SPRED2: variants seen among roughly 807,000 people sequenced by gnomAD.
The protein encoded by SPRED2 is sprouty related EVH1 domain containing 2.
Under a neutral mutation model 43.0 loss-of-function variants are expected in SPRED2, and 47 were observed. That is an observed-to-expected ratio of 1.09 (90% CI 0.87 to 1.40). The LOEUF (loss-of-function observed/expected upper bound fraction) is 1.40, where lower values mean the gene tolerates loss of function less well. SPRED2 is among the 40% of genes most tolerant of loss of function. SPRED2 has a pLI of 0.00. For missense variants in SPRED2, 561 were observed against 586.4 expected (o/e 0.96, Z 0.45); for synonymous variants, 225 against 225.7 (o/e 1.00, Z 0.03).
downstream of SPRED2, among the ~76,000 whole-genome samples, chr2:65,307,330 C>G (rs761509013): frequency 1.3e-5 from 2 of 151,950 alleles, no homozygotes; most frequent in South Asian, 2.1e-4. Context: ...TGAGTAGTTG[C>G]GATTACAGGC....
Position 65,366,541 on chromosome 2 carries a change from A to G in SPRED2, c.27-21645T>C, listed in dbSNP as rs766071664. 3.3e-6 allele frequency: 5 copies of G among 1,534,656 alleles called. No homozygotes were observed. In the South Asian group the frequency reaches 3.6e-5, roughly 11 times the overall value. ...AAAGCAGGCACCAGAAAGGTTAAGA[A>G]TAAGAGAACAATGAAAAAATAAAGT... On this transcript the variant is annotated intron_variant, in intron 1 of 5. Transcript: ENST00000356388.
intron 1 of SPRED2, among the ~76,000 whole-genome samples, chr2:65,368,800 T>A (rs1300976269): frequency 3.3e-5 from 5 of 152,042 alleles, no homozygotes; most frequent in African/African-American, 7.2e-5. Context: ...AAAAAGAGAT[T>A]ATTGGGTGCA....
At chr2:65,395,138 C>G (rs764461254) in intron 1 of SPRED2, among the ~76,000 whole-genome samples, 2 of 152,182 alleles carry the variant, frequency 1.3e-5, no homozygotes, top group Non-Finnish European at 2.9e-5. Context: ...CCCTGTCATT[C>G]CACTGGGCCT....
rs1227144385 is a variant in SPRED2, at chr2:65,322,276, A to C, written c.439-5393T>G. Among the ~76,000 whole-genome samples the C allele has an allele frequency of 7.6e-3, 537 of 70,692 alleles. 1 individual carries two copies. The highest frequency in any genetic ancestry group is 0.011 in the East Asian group (25 of 2,178). 46.4% of individuals were successfully genotyped at this position (70,692 alleles called of 152,430 possible). On this transcript the variant is annotated intron_variant, in intron 4 of 5. Transcript: ENST00000356388. The stretch of plus-strand genomic sequence containing the variant: ...TCTCTCTCTCTCTCTCTCTCTATAT[A>C]TATATATATATATATATATTTTTTT...
At chr2:65,327,682 C>G (rs947160527) in intron 4 of SPRED2, among the ~76,000 whole-genome samples, 5 of 150,364 alleles carry the variant, frequency 3.3e-5, no homozygotes, top group African/African-American at 1.2e-4. Context: ...GCTGCCCTCC[C>G]AAAACATCTT....
chr2:65,388,952 G>T (rs1003462673), intron 1 of SPRED2, among the ~76,000 whole-genome samples: 2 of 152,208 alleles, frequency 1.3e-5, no homozygotes, highest in African/African-American at 4.8e-5. Flanking sequence ...CACAGAGAAA[G>T]CTGGCGAGTC....
intron 1 of SPRED2, among the ~76,000 whole-genome samples, chr2:65,371,068 A>G (rs772671264): frequency 4.6e-5 from 7 of 152,244 alleles, no homozygotes; most frequent in Non-Finnish European, 1.0e-4. Flanking sequence ...AATGAGGGCT[A>G]CAGCCACCCT....
intron 1 of SPRED2, among the ~76,000 whole-genome samples, chr2:65,381,416 A>G (rs1487695587): frequency 1.3e-5 from 2 of 152,138 alleles, no homozygotes; most frequent in African/African-American, 4.8e-5. Flanking sequence ...CCTGCCCACC[A>G]ATTTCTAGCT....
At chr2:65,337,064 T>C (rs537763165) in intron 2 of SPRED2, among the ~76,000 whole-genome samples, 3 of 152,052 alleles carry the variant, frequency 2.0e-5, no homozygotes, top group Non-Finnish European at 4.4e-5. Context: ...GCCGAGATCG[T>C]GCCACTGCAG....
intron 4 of SPRED2, among the ~76,000 whole-genome samples, chr2:65,327,490 T>C (rs1324601473): frequency 6.6e-6 from 1 of 152,154 alleles, no homozygotes; most frequent in Non-Finnish European, 1.5e-5. Flanking sequence ...AGGTATTACA[T>C]GTCGATAAAA....
At chr2:65,407,897 A>G (rs1676063401) in intron 1 of SPRED2, among the ~76,000 whole-genome samples, 2 of 152,224 alleles carry the variant, frequency 1.3e-5, no homozygotes, top group Admixed American at 1.3e-4. Flanking sequence ...AACAACAACA[A>G]AATATCAAAA....
Position 65,349,856 on chromosome 2 carries a change from T to C in SPRED2, c.27-4960A>G, listed in dbSNP as rs905036053. Among the ~76,000 whole-genome samples the C allele has an allele frequency of 3.3e-5, 5 of 152,290 alleles. No individual in the cohort carries two copies. The East Asian group carries it at 5.8e-4, about 18-fold the overall frequency. ...GGGTATAGACTTCTCTGTGATGGGA[T>C]TGGGGGAAGGGGAGGCTCAGGGGCA... On this transcript the variant is annotated intron_variant, in intron 1 of 5. Transcript: ENST00000356388.
chr2:65,350,822 G>A (rs1020112395), intron 1 of SPRED2, among the ~76,000 whole-genome samples: 4 of 152,228 alleles, frequency 2.6e-5, no homozygotes, highest in African/African-American at 7.2e-5. Flanking sequence ...ATAAACCAAG[G>A]AAGTGTAGGA....
chr2:65,358,814 C>T (rs1674727090), intron 1 of SPRED2, among the ~76,000 whole-genome samples: 1 of 152,240 alleles, frequency 6.6e-6, no homozygotes, highest in Non-Finnish European at 1.5e-5. Flanking sequence ...GTTTCAACTG[C>T]TTACTGACAG....
At chr2:65,310,506 T>C (rs958694531), downstream of SPRED2, among the ~76,000 whole-genome samples, 57 of 140,440 alleles carry the variant, frequency 4.1e-4, 1 homozygote, top group African/African-American at 9.8e-4. Context: ...CACACACACA[T>C]ATCCCTGAGG....
rs757236641 is a variant in SPRED2, at chr2:65,313,486, G to A, written c.*15C>T. The A allele has an allele frequency of 1.3e-6, 2 of 1,584,808 alleles. No homozygotes were observed. The highest frequency in any genetic ancestry group is 1.7e-5 in the Admixed American group (1 of 57,486). ...CCTGTGGCTGCGGATGGAGGGAGAAGGGAGGGAAACTGAGTCACGCGGCCG... is the reference window on the plus strand; with the variant it reads ...CCTGTGGCTGCGGATGGAGGGAGAAAGGAGGGAAACTGAGTCACGCGGCCG... On this transcript the variant is annotated 3_prime_UTR_variant, in exon 6 of 6. Coordinates refer to ENST00000356388, the MANE Select transcript of SPRED2 (RefSeq NM_181784.3).
chr2:65,356,703 G>T (rs973477875), intron 1 of SPRED2, among the ~76,000 whole-genome samples: 8 of 151,940 alleles, frequency 5.3e-5, no homozygotes, highest in African/African-American at 1.7e-4. Context: ...AATAAGACCT[G>T]TTCTCTGGCC....
intron 1 of SPRED2, among the ~76,000 whole-genome samples, chr2:65,415,052 A>G (rs1324247187): frequency 1.3e-5 from 2 of 152,112 alleles, no homozygotes; most frequent in Non-Finnish European, 2.9e-5. Flanking sequence ...TTCCCAAACT[A>G]TTGGGATTAC....
chr2:65,363,011 T>TTG (rs1553421961), intron 1 of SPRED2, among the ~76,000 whole-genome samples: 1 of 137,202 alleles, frequency 7.3e-6, no homozygotes, highest in African/African-American at 2.9e-5. Flanking sequence ...TTTTGTTTTT[T>TTG]TTTTTTTTTT....
Sources: gnomAD v4.1 joint callset for allele counts (sites outside exome capture counted in the v4.1 genomes callset) on GRCh38, gnomAD v4.1.1 for gene constraint, MANE v1.5 for transcripts, NCBI Gene and HGNC (gene_info 2026-07-23, HGNC 2026-07-21) for gene names.